PRKG1: variants seen among roughly 807,000 people sequenced by gnomAD.
PRKG1 encodes cGMP-dependent protein kinase 1.
A neutral mutation model predicts 88.1 loss-of-function variants in PRKG1; 35 were observed. The observed-to-expected ratio is 0.40, with a 90% CI of 0.30 to 0.53. The LOEUF is 0.53. Ranked by LOEUF, PRKG1 falls within the 20% of genes least tolerant of loss-of-function variation. The pLI is 0.59. For synonymous variants in PRKG1, 303 were observed against 292.5 expected, an observed-to-expected ratio of 1.04 and a Z score of -0.37; for missense variants, 540 against 839.8, an observed-to-expected ratio of 0.64 and a Z score of 4.41.
At chr10:51,462,571 G>C (rs1439713376) in intron 2 of PRKG1, among the ~76,000 whole-genome samples, 1 of 152,142 alleles carries the variant, frequency 6.6e-6, no homozygotes, top group Admixed American at 6.5e-5. Flanking sequence ...CCAGATGATT[G>C]ATTGCTTCTC....
intron 3 of PRKG1, among the ~76,000 whole-genome samples, chr10:51,536,124 G>A (rs1402173706): frequency 6.6e-6 from 1 of 152,154 alleles, no homozygotes; most frequent in Non-Finnish European, 1.5e-5. Flanking sequence ...ATGCGACAAA[G>A]TGATTGTTTT....
At chr10:52,274,530 T>TA (rs1841819816) in intron 12 of PRKG1, among the ~76,000 whole-genome samples, 1 of 147,636 alleles carries the variant, frequency 6.8e-6, no homozygotes, top group Admixed American at 6.9e-5. Flanking sequence ...TATATATATA[T>TA]ATATACACAC....
chr10:51,111,856 T>C (rs1329653640), intron 1 of PRKG1, among the ~76,000 whole-genome samples: 5 of 152,156 alleles, frequency 3.3e-5, no homozygotes, highest in African/African-American at 9.7e-5. Context: ...AGAGAATAGT[T>C]CTTTATTTTC....
At chr10:51,753,640 T>C (rs1289674880) in intron 3 of PRKG1, among the ~76,000 whole-genome samples, 1 of 152,192 alleles carries the variant, frequency 6.6e-6, no homozygotes, top group African/African-American at 2.4e-5. Context: ...GCCTTGTTCA[T>C]AGTAAGCCTT....
intron 7 of PRKG1, among the ~76,000 whole-genome samples, chr10:52,092,661 T>G (rs1589600079): frequency 6.6e-6 from 1 of 152,314 alleles, no homozygotes; most frequent in African/African-American, 2.4e-5. Context: ...TGTAGAAGAC[T>G]TCACATAAAA....
intron 2 of PRKG1, among the ~76,000 whole-genome samples, chr10:51,392,553 C>G: frequency 6.6e-6 from 1 of 152,040 alleles, no homozygotes; most frequent in East Asian, 1.9e-4. Flanking sequence ...ACACGGCAAC[C>G]ATCCGATTTC....
intron 3 of PRKG1, among the ~76,000 whole-genome samples, chr10:51,544,450 T>A (rs1370487488): frequency 2.0e-5 from 3 of 152,056 alleles, no homozygotes; most frequent in Non-Finnish European, 4.4e-5. Context: ...TAATCCAGTC[T>A]ATCATTGATG....
intron 7 of PRKG1, among the ~76,000 whole-genome samples, chr10:52,099,528 T>A (rs1461858761): frequency 6.6e-6 from 1 of 152,176 alleles, no homozygotes; most frequent in Admixed American, 6.5e-5. Context: ...CTCTATGGTT[T>A]TTCTTTAAAA....
At chr10:51,135,396 G>T (rs1249730312) in intron 1 of PRKG1, among the ~76,000 whole-genome samples, 2 of 152,150 alleles carry the variant, frequency 1.3e-5, no homozygotes, top group East Asian at 3.8e-4. Context: ...GGGGCACGGA[G>T]TAGACTAGAA....
rs556645473 is a variant in PRKG1 at position 51,795,323 on chromosome 10, A to G, written c.593-9262A>G. On this transcript the variant is annotated intron_variant, in intron 3 of 17. Transcript: ENST00000373980. ...ATGGTAATTTTTCTTACTATTAAGT[A>G]TATAATAATGATTCTTATCTGCAGT... is the stretch of plus-strand genomic sequence containing the variant. 5.6e-4 allele frequency among the ~76,000 whole-genome samples: 85 copies of G among 152,254 alleles called. 1 individual carries two copies. Among genetic ancestry groups the G allele is most frequent in the African/African-American group, 1.9e-3 (81 of 41,558 alleles).
intron 3 of PRKG1, among the ~76,000 whole-genome samples, chr10:51,558,007 C>A (rs905807293): frequency 6.6e-6 from 1 of 152,072 alleles, no homozygotes; most frequent in African/African-American, 2.4e-5. Flanking sequence ...CAAAAATATT[C>A]TTTATCTTCT....
At chr10:51,915,831 C>A (rs929915946) in intron 5 of PRKG1, among the ~76,000 whole-genome samples, 1 of 152,022 alleles carries the variant, frequency 6.6e-6, no homozygotes, top group African/African-American at 2.4e-5. Flanking sequence ...ACACAAAAGT[C>A]CTATAAGGAC....
chr10:51,376,768 G>C (rs1842825859), intron 2 of PRKG1, among the ~76,000 whole-genome samples: 1 of 152,036 alleles, frequency 6.6e-6, no homozygotes, highest in Non-Finnish European at 1.5e-5. Context: ...TCCACCTCCT[G>C]CGTTCAAGTG....
chr10:51,273,239 C>T (rs59171878), intron 2 of PRKG1, among the ~76,000 whole-genome samples: 19,783 of 151,014 alleles, frequency 0.13, 1,392 homozygotes, highest in East Asian at 0.19. Context: ...GGCTAGGCAT[C>T]GTGGCTCATA....
intron 4 of PRKG1, among the ~76,000 whole-genome samples, chr10:51,824,343 T>G (rs1589323348): frequency 6.6e-6 from 1 of 152,202 alleles, no homozygotes; most frequent in African/African-American, 2.4e-5. Flanking sequence ...AATGTTCAAC[T>G]AGAGTAACTT....
At chr10:51,180,354 G>C (rs747907671) in intron 2 of PRKG1, among the ~76,000 whole-genome samples, 4 of 152,072 alleles carry the variant, frequency 2.6e-5, no homozygotes, top group African/African-American at 9.7e-5. Flanking sequence ...TGGCCTAAAG[G>C]CAAAAATAGT....
rs559063302 is a variant in PRKG1, at chr10:51,039,581, G to T, written c.266+47937G>T. ...TTTCCTTTGCTGTGGAGAAGTTTTT[G>T]TGTGTGTGTGTGTTTGTTTTGTCTT... On this transcript the variant is annotated intron_variant, in intron 1 of 17. Transcript: ENST00000401604. Among the ~76,000 whole-genome samples, 110 of 151,674 alleles carry T rather than the reference G, an allele frequency of 7.3e-4. 1 individual carries two copies. The highest frequency in any genetic ancestry group is 2.1e-3 in the African/African-American group (89 of 41,428).
intron 1 of PRKG1, among the ~76,000 whole-genome samples, chr10:51,140,817 A>C (rs1845803314): frequency 6.6e-6 from 1 of 152,066 alleles, no homozygotes; most frequent in Non-Finnish European, 1.5e-5. Flanking sequence ...CAATTCTTGC[A>C]CCTCTAATAG....
chr10:52,207,863 C>T (rs1330825507), intron 9 of PRKG1, among the ~76,000 whole-genome samples: 1 of 152,138 alleles, frequency 6.6e-6, no homozygotes, highest in Non-Finnish European at 1.5e-5. Flanking sequence ...TCTCCACTCT[C>T]AATGCCTTCC....
Sources: allele counts gnomAD v4.1 joint callset (sites outside exome capture counted in the v4.1 genomes callset), GRCh38; gene constraint gnomAD v4.1.1; transcripts MANE v1.5; gene names NCBI Gene and HGNC (gene_info 2026-07-23, HGNC 2026-07-21).